CDK14: variants seen among roughly 807,000 people sequenced by gnomAD.
The protein encoded by CDK14 is cyclin-dependent kinase 14.
A neutral mutation model predicts 60.7 loss-of-function variants in CDK14; 34 were observed. The ratio of observed to expected loss-of-function variants is 0.56; its 90% CI spans 0.43 to 0.75. The LOEUF is 0.75. Ranked by LOEUF, CDK14 falls within the 30% of genes least tolerant of loss-of-function variation. CDK14 has a pLI of 0.00. For missense variants in CDK14, 482 were observed against 564.1 expected (o/e 0.85, Z 1.47); for synonymous variants, 197 against 203.7 (o/e 0.97, Z 0.28).
intron 2 of CDK14, among the ~76,000 whole-genome samples, chr7:90,698,762 C>T (rs1261603723): frequency 2.0e-5 from 3 of 152,184 alleles, no homozygotes; most frequent in Non-Finnish European, 2.9e-5. Flanking sequence ...ATTTGCTACT[C>T]ACTAAATTTT....
At chr7:90,597,394 G>A (rs1433234752) in intron 1 of CDK14, 1 of 152,230 alleles carries the variant, frequency 6.6e-6, no homozygotes, top group Non-Finnish European at 1.5e-5. Flanking sequence ...CAAACCAACT[G>A]ACCAACAGTG....
At chr7:90,971,527 G>T (rs1423247077) in intron 9 of CDK14, among the ~76,000 whole-genome samples, 1 of 152,022 alleles carries the variant, frequency 6.6e-6, no homozygotes, top group Non-Finnish European at 1.5e-5. Flanking sequence ...TAGAGATGGA[G>T]GATAGGATTT....
intron 8 of CDK14, among the ~76,000 whole-genome samples, chr7:90,953,648 A>G (rs11974556): frequency 0.15 from 23,423 of 152,136 alleles, 1,918 homozygotes; most frequent in Non-Finnish European, 0.18. Context: ...TGAGCTGTCA[A>G]TGAAAATCTT....
intron 14 of CDK14, among the ~76,000 whole-genome samples, chr7:91,152,294 T>C (rs1800849292): frequency 6.6e-6 from 1 of 152,216 alleles, no homozygotes; most frequent in African/African-American, 2.4e-5. Context: ...CCTTCACTTA[T>C]TTCATTACTA....
intron 5 of CDK14, among the ~76,000 whole-genome samples, chr7:90,793,415 C>T (rs1036912769): frequency 1.3e-5 from 2 of 152,178 alleles, no homozygotes; most frequent in African/African-American, 4.8e-5. Context: ...TAAGGAAATT[C>T]TTCCATTAGT....
At chr7:90,988,999 T>TCA (rs1413826897) in intron 10 of CDK14, among the ~76,000 whole-genome samples, 2 of 66,564 alleles carry the variant, frequency 3.0e-5, no homozygotes, top group African/African-American at 1.1e-4. Flanking sequence ...TGTTTGTGTG[T>TCA]GAGTGTGTGT....
intron 14 of CDK14, among the ~76,000 whole-genome samples, chr7:91,134,280 G>A (rs1800204043): frequency 6.6e-6 from 1 of 152,138 alleles, no homozygotes; most frequent in African/African-American, 2.4e-5. Flanking sequence ...TCAACAGCTT[G>A]TAGCTAAAGT....
intron 2 of CDK14, among the ~76,000 whole-genome samples, chr7:90,663,170 C>T (rs1429341381): frequency 6.6e-6 from 1 of 152,006 alleles, no homozygotes; most frequent in Non-Finnish European, 1.5e-5. Context: ...CCACCCCCTT[C>T]TTTCTTACCA....
rs575105042 is a variant in CDK14, at chr7:90,961,216, G to A, written c.947+5399G>A. On this transcript the variant is annotated intron_variant, in intron 9 of 14. Coordinates refer to ENST00000380050, the MANE Select transcript of CDK14 (RefSeq NM_001287135.2). Reference sequence around the variant, plus strand: ...AGCAAAACATATATTTTATAATTTAGGTTATACTCTGAGTCATGTCCTTTG... The same window carrying A: ...AGCAAAACATATATTTTATAATTTAAGTTATACTCTGAGTCATGTCCTTTG... Among the ~76,000 whole-genome samples the A allele has an allele frequency of 2.6e-5, 4 of 152,110 alleles. No individual in the cohort carries two copies. The South Asian group carries it at 6.2e-4, about 24-fold the overall frequency.
At chr7:90,617,003 C>T (rs1799664066) in intron 2 of CDK14, among the ~76,000 whole-genome samples, 1 of 151,814 alleles carries the variant, frequency 6.6e-6, no homozygotes, top group South Asian at 2.1e-4. Flanking sequence ...AAAACCTTAC[C>T]TCTTATCACA....
chr7:90,913,661 G>A (rs1313747325), intron 7 of CDK14, among the ~76,000 whole-genome samples: 1 of 152,194 alleles, frequency 6.6e-6, no homozygotes, highest in Non-Finnish European at 1.5e-5. Flanking sequence ...ATATACGTCT[G>A]TTGGGCCTGC....
At chr7:90,630,043 A>C (rs896362945) in intron 2 of CDK14, among the ~76,000 whole-genome samples, 6 of 27,564 alleles carry the variant, frequency 2.2e-4, no homozygotes, top group Non-Finnish European at 1.2e-4. Flanking sequence ...TGTCTCAAAC[A>C]AAACAAAACA....
chr7:90,812,891 G>A (rs888561882), intron 5 of CDK14, among the ~76,000 whole-genome samples: 2 of 152,084 alleles, frequency 1.3e-5, no homozygotes, highest in Non-Finnish European at 2.9e-5. Flanking sequence ...ATTATCATAT[G>A]ACCCAGTGAC....
At chr7:91,140,000 A>G (rs1800407314) in intron 14 of CDK14, among the ~76,000 whole-genome samples, 1 of 152,188 alleles carries the variant, frequency 6.6e-6, no homozygotes, top group Non-Finnish European at 1.5e-5. Context: ...AATCAGATTG[A>G]ACTTTAAACA....
intron 4 of CDK14, among the ~76,000 whole-genome samples, chr7:90,771,294 A>G (rs550956175): frequency 6.6e-6 from 1 of 152,304 alleles, no homozygotes; most frequent in South Asian, 2.1e-4. Flanking sequence ...TATCTCTTTT[A>G]GTTCCTCATA....
intron 2 of CDK14, among the ~76,000 whole-genome samples, chr7:90,664,576 T>C (rs902633453): frequency 6.6e-6 from 1 of 152,152 alleles, no homozygotes; most frequent in Non-Finnish European, 1.5e-5. Context: ...TAAGAAAATA[T>C]GGCACATATA....
intron 1 of CDK14, among the ~76,000 whole-genome samples, chr7:90,603,041 C>A (rs1200491317): frequency 1.6e-5 from 2 of 125,234 alleles, no homozygotes; most frequent in Non-Finnish European, 3.3e-5. Context: ...CTTTTCATTG[C>A]TTTTGTCAGA....
intron 2 of CDK14, among the ~76,000 whole-genome samples, chr7:90,689,357 AG>A (rs1393074820): frequency 6.6e-6 from 1 of 152,184 alleles, no homozygotes; most frequent in African/African-American, 2.4e-5. Context: ...TGTTATCACC[AG>A]GGTCCTTTGT....
intron 10 of CDK14, among the ~76,000 whole-genome samples, chr7:91,035,175 G>T (rs962795306): frequency 1.3e-5 from 2 of 152,044 alleles, no homozygotes; most frequent in African/African-American, 4.8e-5. Context: ...AGCTGTAATT[G>T]CAGCCACATA....
Sources: allele counts gnomAD v4.1 joint callset (sites outside exome capture counted in the v4.1 genomes callset), GRCh38; gene constraint gnomAD v4.1.1; transcripts MANE v1.5; gene names NCBI Gene and HGNC (gene_info 2026-07-23, HGNC 2026-07-21).